Variants in FGL1 observed in about 807,000 individuals in gnomAD.
The protein encoded by FGL1 is fibrinogen-like protein 1.
In FGL1, 59 loss-of-function variants were observed where a neutral mutation model predicts 43.7. The ratio of observed to expected loss-of-function variants is 1.35; its 90% CI spans 1.10 to 1.68. FGL1 has a LOEUF of 1.68. FGL1 is among the 40% of genes most tolerant of loss of function. The pLI is 0.00. For missense variants in FGL1, 596 were observed against 373.0 expected (o/e 1.60, Z -4.92); for synonymous variants, 192 against 126.5 (o/e 1.52, Z -3.48).
chr8:17,883,094 GTAATATATTAAATA>G (rs2053568353), intron 2 of FGL1, among the ~76,000 whole-genome samples: 1 of 18,416 alleles, frequency 5.4e-5, no homozygotes, highest in Non-Finnish European at 9.9e-5. Context: ...TATATCATAT[GTAATATATTAAATA>G]ATATATATCA....
intron 5 of FGL1, among the ~76,000 whole-genome samples, chr8:17,871,084 A>G (rs2053352585): frequency 6.6e-6 from 1 of 152,100 alleles, no homozygotes; most frequent in Non-Finnish European, 1.5e-5. Flanking sequence ...TTGTTGATTT[A>G]GCACCACAAT....
At chr8:17,875,661 A>G (rs1310741461) in intron 3 of FGL1, among the ~76,000 whole-genome samples, 3 of 150,180 alleles carry the variant, frequency 2.0e-5, no homozygotes, top group Admixed American at 6.8e-5. Context: ...CTGGAGTGCA[A>G]TGGTGCTATT....
At chr8:17,871,491 C>CAA (rs11445398) in intron 5 of FGL1, among the ~76,000 whole-genome samples, 165 of 131,698 alleles carry the variant, frequency 1.3e-3, no homozygotes, top group Middle Eastern at 3.7e-3. Context: ...AAATCTGTCT[C>CAA]AAAAAAAAAA....
At chr8:17,872,141 G>T (rs962498565) in intron 5 of FGL1, among the ~76,000 whole-genome samples, 1 of 152,006 alleles carries the variant, frequency 6.6e-6, no homozygotes, top group African/African-American at 2.4e-5. Context: ...GACATACAAA[G>T]AAAGTATAAG....
intron 2 of FGL1, among the ~76,000 whole-genome samples, chr8:17,884,809 A>C (rs1263187864): frequency 6.6e-6 from 1 of 152,184 alleles, no homozygotes; most frequent in Non-Finnish European, 1.5e-5. Context: ...TTCTCCAAGA[A>C]CTTTGAATGA....
At chr8:17,872,041 A>G (rs186537094) in intron 5 of FGL1, among the ~76,000 whole-genome samples, 2 of 152,322 alleles carry the variant, frequency 1.3e-5, no homozygotes, top group Admixed American at 1.3e-4. Context: ...AATTTTATAT[A>G]TCTGGCATAA....
At chr8:17,885,349 A>G in intron 2 of FGL1, 143 bp downstream of exon 2, 1 of 672,430 alleles carries the variant, frequency 1.5e-6, no homozygotes, top group South Asian at 2.0e-5. Flanking sequence ...CTATGTGTCC[A>G]GTATTTCTAC....
chr8:17,886,178 A>G (rs983786947), intron 1 of FGL1, among the ~76,000 whole-genome samples: 1 of 152,354 alleles, frequency 6.6e-6, no homozygotes, highest in Admixed American at 6.5e-5. Flanking sequence ...AATCGTTCTC[A>G]GAGGGAAAAA....
intron 5 of FGL1, among the ~76,000 whole-genome samples, chr8:17,870,508 C>G (rs560455385): frequency 6.6e-6 from 1 of 152,164 alleles, no homozygotes; most frequent in Admixed American, 6.5e-5. Flanking sequence ...TCAAGCCAGA[C>G]CATGGAGGCA....
chr8:17,880,048 T>G (rs547957799), intron 3 of FGL1, among the ~76,000 whole-genome samples: 81 of 152,328 alleles, frequency 5.3e-4, no homozygotes, highest in African/African-American at 1.8e-3. Flanking sequence ...TGCTCATCCC[T>G]TAAACGATAG....
Position 17,893,892 on chromosome 8 carries a change from CAATT to C in FGL1, c.-18+1551_-18+1554del, listed in dbSNP as rs1400793384. ...CAAATTATTCTGTTCATTTATTGCA[CAATT>C]AGTTGTATTTCTTTTATAATATTTT... On this transcript the variant is annotated intron_variant, in intron 1 of 7. Coordinates refer to ENST00000427924, the MANE Select transcript of FGL1 (RefSeq NM_004467.4). Among the ~76,000 whole-genome samples, 16 of 147,118 alleles carry C rather than the reference CAATT, an allele frequency of 1.1e-4. 1 individual carries two copies. The highest frequency in any genetic ancestry group is 4.0e-4 in the African/African-American group (15 of 37,508).
chr8:17,867,772 A>G (rs2053291952), intron 7 of FGL1, among the ~76,000 whole-genome samples: 1 of 152,180 alleles, frequency 6.6e-6, no homozygotes, highest in Non-Finnish European at 1.5e-5. Context: ...TCAGAATGAC[A>G]TGCAATTTAA....
chr8:17,892,620 A>T (rs1417268433), intron 1 of FGL1, among the ~76,000 whole-genome samples: 2 of 152,314 alleles, frequency 1.3e-5, no homozygotes, highest in African/African-American at 4.8e-5. Context: ...TAACCAATGT[A>T]TTTAATAGAT....
chr8:17,871,380 G>A (rs550023338), intron 5 of FGL1, among the ~76,000 whole-genome samples: 9 of 151,504 alleles, frequency 5.9e-5, no homozygotes, highest in Non-Finnish European at 1.3e-4. Flanking sequence ...TATAATCCCA[G>A]CTACTCAGGA....
Position 17,882,055 on chromosome 8 carries a change from A to G in FGL1, c.188T>C (p.Leu63Pro), listed in dbSNP as rs1206048544. 2.5e-6 allele frequency: 4 copies of G among 1,613,976 alleles called. No individual in the cohort carries two copies. The highest frequency in any genetic ancestry group is 1.3e-5 in the African/African-American group (1 of 74,970). ...GACAGTATTCTCATCTCCTTTATCA[A>G]GGAACTGGACTTCATTCTCCTGCAA... ...QLLQENEVQF[L>P]DKGDENTVID... Residue 63 changes from leucine (L) to proline (P), a missense_variant, in exon 3 of 8, where the codon CTT becomes CCT. Physicochemically the swap from Leu to Pro is moderately conservative, Grantham distance 98 (BLOSUM62 -3). Transcript: ENST00000427924.
intron 3 of FGL1, among the ~76,000 whole-genome samples, chr8:17,878,674 T>C (rs975736041): frequency 1.3e-5 from 2 of 152,200 alleles, no homozygotes; most frequent in Non-Finnish European, 2.9e-5. Flanking sequence ...CCTAGTGCAT[T>C]GTTTGCACAA....
chr8:17,867,693 C>T (rs757105005), intron 7 of FGL1, among the ~76,000 whole-genome samples: 22 of 152,152 alleles, frequency 1.4e-4, no homozygotes, highest in African/African-American at 1.2e-4. Context: ...GGGCTTTCAG[C>T]GTGGATACGC....
chr8:17,883,221 T>G (rs62643681), intron 2 of FGL1, among the ~76,000 whole-genome samples: 377 of 23,024 alleles, frequency 0.016, 17 homozygotes, highest in Middle Eastern at 0.062. Context: ...ATAATATATA[T>G]CATATATAAT....
chr8:17,875,639 C>G (rs973260581), intron 3 of FGL1, among the ~76,000 whole-genome samples: 2 of 150,934 alleles, frequency 1.3e-5, no homozygotes, highest in South Asian at 2.1e-4. Flanking sequence ...GAGTCTTGCT[C>G]TTTCGCCCAG....
Sources: gnomAD v4.1 joint callset for allele counts (sites outside exome capture counted in the v4.1 genomes callset) on GRCh38, gnomAD v4.1.1 for gene constraint, MANE v1.5 for transcripts, NCBI Gene and HGNC (gene_info 2026-07-23, HGNC 2026-07-21) for gene names.